The following LSM12 variants were observed in gnomAD, a reference collection of about 807,000 sequenced individuals.
The protein encoded by LSM12 is LSM12 homolog.
For synonymous variants in LSM12, 74 were observed against 87.3 expected (o/e 0.85, Z 0.85); for missense variants, 108 against 238.9 (o/e 0.45, Z 3.61).
intron 2 of LSM12, among the ~76,000 whole-genome samples, 185 bp downstream of exon 2, chr17:44,063,616 G>C (rs2049828937): frequency 6.6e-6 from 1 of 152,120 alleles, no homozygotes; most frequent in Non-Finnish European, 1.5e-5. Context: ...TACTTCTTAA[G>C]ATCTACTGAT....
rs1012219640 is a variant in LSM12, at chr17:44,046,326, A to G, written c.259-6070T>C. On this transcript the variant is annotated intron_variant, in intron 2 of 4. Coordinates refer to ENST00000293406, the MANE Select transcript of LSM12 (RefSeq NM_001371445.1). ...ATGTTTTTACTTTTGTTAGGTAGAT[A>G]ACTAAGAGTAGAATTTCTGGGTCAT... Among the ~76,000 whole-genome samples, 3 of 152,176 alleles carry G rather than the reference A, an allele frequency of 2.0e-5. No homozygotes were observed. The East Asian group carries it at 5.8e-4, about 29-fold the overall frequency.
At chr17:44,064,727 C>T (rs2049846792) in intron 1 of LSM12, among the ~76,000 whole-genome samples, 2 of 146,340 alleles carry the variant, frequency 1.4e-5, no homozygotes, top group South Asian at 2.1e-4. Flanking sequence ...AGCGAGACTC[C>T]GTCTCAAAAA....
intron 2 of LSM12, among the ~76,000 whole-genome samples, chr17:44,042,835 A>AG (rs2049513070): frequency 6.6e-6 from 1 of 151,684 alleles, no homozygotes; most frequent in Non-Finnish European, 1.5e-5. Context: ...CCAAAGTGCT[A>AG]GGATTACAGG....
chr17:44,061,947 A>C (rs1157911987), intron 2 of LSM12, among the ~76,000 whole-genome samples: 1 of 152,136 alleles, frequency 6.6e-6, no homozygotes. Context: ...TATGGCCAGG[A>C]GCGGTGGCTC....
intron 3 of LSM12, 38 bp downstream of exon 3, chr17:44,040,109 T>C (rs2049468468): frequency 6.6e-7 from 1 of 1,508,710 alleles, no homozygotes; most frequent in Non-Finnish European, 9.2e-7. Flanking sequence ...CCAGGTAGCA[T>C]TACCCCAGGA....
intron 1 of LSM12, 147 bp downstream of exon 1, chr17:44,066,317 C>A (rs2049875885): frequency 9.7e-7 from 1 of 1,036,266 alleles, no homozygotes; most frequent in Non-Finnish European, 1.3e-6. Flanking sequence ...GAGGGGAGCT[C>A]AGGGCCGTGC....
chr17:44,063,052 CAG>C (rs2049820589), intron 2 of LSM12, among the ~76,000 whole-genome samples: 1 of 151,912 alleles, frequency 6.6e-6, no homozygotes, highest in African/African-American at 2.4e-5. Flanking sequence ...CTGGGCGACA[CAG>C]AGAGACTCTG....
intron 2 of LSM12, among the ~76,000 whole-genome samples, chr17:44,052,150 C>T (rs1299870609): frequency 1.3e-5 from 2 of 151,532 alleles, no homozygotes; most frequent in East Asian, 1.9e-4. Context: ...CGGTGGTGCA[C>T]GCCTGAGCCA....
chr17:44,049,182 G>C (rs1411684698), intron 2 of LSM12, among the ~76,000 whole-genome samples: 1 of 152,064 alleles, frequency 6.6e-6, no homozygotes, highest in Non-Finnish European at 1.5e-5. Flanking sequence ...CAGAGACTCT[G>C]TCTTTAAAAA....
intron 2 of LSM12, among the ~76,000 whole-genome samples, chr17:44,055,721 T>A (rs552600431): frequency 3.3e-4 from 48 of 145,022 alleles, no homozygotes; most frequent in Non-Finnish European, 4.9e-4. Context: ...AAAATATATA[T>A]AAAATATATT....
intron 2 of LSM12, among the ~76,000 whole-genome samples, chr17:44,063,234 TACAC>T (rs963108737): frequency 2.6e-5 from 4 of 152,136 alleles, no homozygotes; most frequent in African/African-American, 4.8e-5. Flanking sequence ...GTCTCACACA[TACAC>T]ACACAAAAGT....
rs2049472105 is a variant in LSM12 at position 44,040,363 on chromosome 17, A to AGATT, written c.259-111_259-108dup. 4 of 768,904 alleles carry AGATT rather than the reference A, an allele frequency of 5.2e-6. No individual in the cohort carries two copies. The South Asian group carries it at 6.3e-5, about 12-fold the overall frequency. The allele number at this position is 768,904 out of a possible 1,614,324, so 47.6% of individuals were successfully genotyped here. ...GAGGCCAGGAAAGACTTGTTTGGACAGATTCTGTTTTCTCAGAAATGAAAA... is the reference window on the plus strand; with the variant it reads ...GAGGCCAGGAAAGACTTGTTTGGACAGATTGATTCTGTTTTCTCAGAAATGAAAA... On this transcript the variant is annotated intron_variant, in intron 2 of 4. Coordinates refer to ENST00000293406, the MANE Select transcript of LSM12 (RefSeq NM_001371445.1).
chr17:44,066,760 A>T, upstream of LSM12: 1 of 777,400 alleles, frequency 1.3e-6, no homozygotes, highest in Non-Finnish European at 1.7e-6. Context: ...AGAAGAGGAA[A>T]TAAAGGGGAA....
chr17:44,061,934 A>C (rs2049800136), intron 2 of LSM12, among the ~76,000 whole-genome samples: 1 of 152,184 alleles, frequency 6.6e-6, no homozygotes, highest in South Asian at 2.1e-4. Flanking sequence ...ACAAGTAAAC[A>C]ACTATGGCCA....
chr17:44,060,482 G>T (rs1490848566), intron 2 of LSM12, among the ~76,000 whole-genome samples: 1 of 152,110 alleles, frequency 6.6e-6, no homozygotes, highest in African/African-American at 2.4e-5. Flanking sequence ...TGATTTCAAG[G>T]GAAAGCCAAT....
intron 3 of LSM12, among the ~76,000 whole-genome samples, chr17:44,038,355 CAAA>C (rs767523063): frequency 2.6e-4 from 16 of 61,808 alleles, no homozygotes; most frequent in Admixed American, 3.7e-4. Flanking sequence ...GACCCTGTCT[CAAA>C]AAAAAAAAAA....
chr17:44,066,065 C>T (rs1425062091), intron 1 of LSM12, among the ~76,000 whole-genome samples: 1 of 152,082 alleles, frequency 6.6e-6, no homozygotes, highest in Non-Finnish European at 1.5e-5. Context: ...AGTTCCTTAC[C>T]CTAAACACCC....
At chr17:44,059,526 C>T (rs1159155236) in intron 2 of LSM12, among the ~76,000 whole-genome samples, 3 of 151,912 alleles carry the variant, frequency 2.0e-5, no homozygotes, top group East Asian at 2.0e-4. Context: ...GAGATCACAC[C>T]GGGCAATGGA....
At chr17:44,049,974 C>T (rs572728063) in intron 2 of LSM12, among the ~76,000 whole-genome samples, 167 of 152,160 alleles carry the variant, frequency 1.1e-3, no homozygotes, top group Non-Finnish European at 1.4e-3. Context: ...CTGCTTATGA[C>T]GCCTGCAAGC....
Sources: gnomAD v4.1 joint callset for allele counts (sites outside exome capture counted in the v4.1 genomes callset) on GRCh38, gnomAD v4.1.1 for gene constraint, MANE v1.5 for transcripts, NCBI Gene and HGNC (gene_info 2026-07-23, HGNC 2026-07-21) for gene names.